The following ZMAT1 variants were observed in gnomAD, a reference collection of about 807,000 sequenced individuals.
ZMAT1 encodes the protein zinc finger matrin-type 1, also known as zinc finger matrin-type protein 1.
Under a neutral mutation model 18.5 loss-of-function variants are expected in ZMAT1, and 11 were observed. That is an observed-to-expected ratio of 0.59 (90% CI 0.37 to 0.98). The LOEUF is 0.98. ZMAT1 is among the 50% of genes least tolerant of loss of function. The pLI, the probability that ZMAT1 is intolerant of heterozygous loss-of-function variation, is 0.01. For synonymous variants in ZMAT1, 211 were observed against 176.4 expected (o/e 1.20, Z -1.55); for missense variants, 525 against 496.2 (o/e 1.06, Z -0.55).
chrX:101,899,767 G>A lies in ZMAT1; in HGVS notation c.400-1547C>T, dbSNP rs376614651. On this transcript the variant is annotated intron_variant, in intron 2 of 5. Coordinates refer to ENST00000651725, the MANE Select transcript of ZMAT1 (RefSeq NM_001394560.1). ...GTGAATTGTGCTGCTATAAATATGCGTGTGCAAGCATCTTTTTTGAATAAT... is the reference window on the plus strand; with the variant it reads ...GTGAATTGTGCTGCTATAAATATGCATGTGCAAGCATCTTTTTTGAATAAT... Among the ~76,000 whole-genome samples the A allele has an allele frequency of 9.0e-4, 101 of 112,274 alleles. No homozygotes were observed. In the Middle Eastern group the frequency reaches 0.014, roughly 15 times the overall value.
At chrX:101,889,263 T>C (rs1056452378) in intron 4 of ZMAT1, 2 of 111,620 alleles carry the variant, frequency 1.8e-5, no homozygotes, top group Non-Finnish European at 3.8e-5. Flanking sequence ...GCCTCCATTC[T>C]GTTTCTTATA....
chrX:101,894,084 G>A (rs1321464546), intron 4 of ZMAT1, among the ~76,000 whole-genome samples: 10 of 111,601 alleles, frequency 9.0e-5, no homozygotes, highest in African/African-American at 3.3e-4. Context: ...TTAAATTGGG[G>A]GTGGGTTTGG....
intron 1 of ZMAT1, among the ~76,000 whole-genome samples, chrX:101,906,353 C>T (rs1412890373): frequency 1.8e-5 from 2 of 111,909 alleles, no homozygotes; most frequent in South Asian, 7.4e-4. Flanking sequence ...GGGTCAGCTC[C>T]AGCACCCGGC....
intron 1 of ZMAT1, among the ~76,000 whole-genome samples, chrX:101,916,476 C>G (rs1929344317): frequency 9.0e-6 from 1 of 111,346 alleles, no homozygotes; most frequent in East Asian, 2.8e-4. Context: ...TTAACTTAAG[C>G]AAAGAAATGC....
chrX:101,918,316 A>T (rs934283609), intron 1 of ZMAT1, among the ~76,000 whole-genome samples: 4 of 110,993 alleles, frequency 3.6e-5, no homozygotes, highest in Non-Finnish European at 7.6e-5. Context: ...GTACCCATGA[A>T]AAGTAAAGGC....
chrX:101,915,292 T>TGTCAAAACTGTTATTCA (rs57645632), intron 1 of ZMAT1, among the ~76,000 whole-genome samples: 40,708 of 107,652 alleles, frequency 0.38, 6,313 homozygotes, highest in Non-Finnish European at 0.43. Context: ...GGATGCCCAG[T>TGTCAAAACTGTTATTCA]GTCAAAACTG....
At chrX:101,906,440 T>G (rs958696935) in intron 1 of ZMAT1, among the ~76,000 whole-genome samples, 8 of 109,799 alleles carry the variant, frequency 7.3e-5, no homozygotes, top group Non-Finnish European at 1.5e-4. Context: ...GGAGCTAATA[T>G]AGGCCCCAAG....
At chrX:101,931,004 TCAAATAGC>T (rs1291165560) in intron 1 of ZMAT1, among the ~76,000 whole-genome samples, 7 of 111,906 alleles carry the variant, frequency 6.3e-5, no homozygotes, top group African/African-American at 2.3e-4. Flanking sequence ...GGTCACATCC[TCAAATAGC>T]CAAAGAAAAC....
At chrX:101,910,556 T>C (rs961187354) in intron 1 of ZMAT1, among the ~76,000 whole-genome samples, 1 of 112,044 alleles carries the variant, frequency 8.9e-6, no homozygotes, top group African/African-American at 3.2e-5. Context: ...CAGAATTGTA[T>C]CAGATAAATT....
intron 1 of ZMAT1, among the ~76,000 whole-genome samples, chrX:101,917,067 C>T (rs909221395): frequency 8.9e-6 from 1 of 111,816 alleles, no homozygotes; most frequent in Non-Finnish European, 1.9e-5. Flanking sequence ...AATGTAAGAC[C>T]TCAAACCATA....
Position 101,884,224 on chromosome X carries a change from T to G in ZMAT1, c.1374A>C (p.Lys458Asn). Reference protein sequence around the residue: ...SFQDELEDYIKVQKARGLEPK... With the variant: ...SFQDELEDYINVQKARGLEPK... The stretch of plus-strand genomic sequence containing the variant: ...GCTCTAGTCCTCTGGCTTTCTGCAC[T>G]TTTATGTAATCTTCAAGTTCATCTT... The change falls in exon 6 of 6, where the codon AAA (lysine) becomes AAC (asparagine). Residue 458 changes from lysine to asparagine, a missense_variant. Lys to Asn is a moderately conservative substitution (Grantham distance 94). Transcript: ENST00000651725. The G allele has an allele frequency of 1.7e-6, 2 of 1,208,863 alleles. No homozygotes were observed. The highest frequency in any genetic ancestry group is 3.5e-5 in the South Asian group (2 of 56,590).
intron 1 of ZMAT1, among the ~76,000 whole-genome samples, chrX:101,929,452 T>C (rs182667799): frequency 0.36 from 21,537 of 60,568 alleles, 2,224 homozygotes; most frequent in African/African-American, 0.43. Flanking sequence ...TATATATATA[T>C]ATATACACAC....
At chrX:101,916,846 T>G (rs1007516561) in intron 1 of ZMAT1, among the ~76,000 whole-genome samples, 1 of 111,530 alleles carries the variant, frequency 9.0e-6, no homozygotes, top group African/African-American at 3.3e-5. Flanking sequence ...AGCAGACACA[T>G]AGACCAATGG....
At chrX:101,899,027 G>A (rs962640451) in intron 2 of ZMAT1, among the ~76,000 whole-genome samples, 37 of 110,533 alleles carry the variant, frequency 3.3e-4, no homozygotes, top group African/African-American at 1.1e-3. Flanking sequence ...CAGCCTAGGC[G>A]ACAGAGACTC....
chrX:101,894,158 T>C (rs910834045), intron 4 of ZMAT1, among the ~76,000 whole-genome samples: 2 of 111,445 alleles, frequency 1.8e-5, no homozygotes, highest in Non-Finnish European at 3.8e-5. Flanking sequence ...TCAAAACTTA[T>C]TCAGTACAAA....
rs1392396796 is a variant in ZMAT1 at position 101,898,217 on chromosome X, C to T, written c.403G>A (p.Glu135Lys). ...ESQRISHYEG[E>K]KHAQNVSFYF... ...AAACTAACATTTTGAGCATGTTTTT[C>T]ACCCTGAAAAAAGATATAATATGAC... is the stretch of plus-strand genomic sequence containing the variant. The change falls in exon 3 of 6, where the codon GAA becomes AAA. Residue 135 changes from glutamate to lysine, a missense_variant. By Grantham distance (56) the Glu-to-Lys change is moderately conservative. Transcript: ENST00000651725. 8.3e-7 allele frequency: 1 copy of T among 1,198,783 alleles called. No individual in the cohort carries two copies. Among genetic ancestry groups the T allele is most frequent in the Non-Finnish European group, 1.1e-6 (1 of 886,121 alleles).
intron 1 of ZMAT1, among the ~76,000 whole-genome samples, chrX:101,919,491 G>A (rs949750406): frequency 9.0e-6 from 1 of 111,576 alleles, no homozygotes; most frequent in African/African-American, 3.3e-5. Flanking sequence ...CATACATAAC[G>A]GTTCCACATG....
intron 4 of ZMAT1, among the ~76,000 whole-genome samples, chrX:101,896,828 A>C (rs1309601926): frequency 2.7e-5 from 3 of 111,386 alleles, no homozygotes; most frequent in Non-Finnish European, 5.7e-5. Context: ...CAGTTTTCTC[A>C]TATGTGCTGG....
chrX:101,914,100 C>T (rs1929139862), intron 1 of ZMAT1, among the ~76,000 whole-genome samples: 1 of 110,885 alleles, frequency 9.0e-6, no homozygotes, highest in Admixed American at 9.6e-5. Context: ...ACCAGTGGCT[C>T]AATGAAGAAA....
Sources: gnomAD v4.1 joint callset for allele counts (sites outside exome capture counted in the v4.1 genomes callset) on GRCh38, gnomAD v4.1.1 for gene constraint, MANE v1.5 for transcripts, NCBI Gene and HGNC (gene_info 2026-07-23, HGNC 2026-07-21) for gene names.